KCNIP1: variants seen among roughly 807,000 people sequenced by gnomAD.
KCNIP1 encodes the protein A-type potassium channel modulatory protein KCNIP1.
Under a neutral mutation model 33.0 loss-of-function variants are expected in KCNIP1, and 18 were observed. That is an observed-to-expected ratio of 0.55 (90% CI 0.38 to 0.81). The LOEUF (loss-of-function observed/expected upper bound fraction) is 0.81. Ranked by LOEUF, KCNIP1 falls within the 30% of genes least tolerant of loss-of-function variation. The probability of loss-of-function intolerance (pLI) is 0.00; values close to 1 mark genes in which losing one functional copy is unlikely to be tolerated. For missense variants in KCNIP1, 238 were observed against 271.6 expected, an observed-to-expected ratio of 0.88 and a Z score of 0.87; for synonymous variants, 93 against 98.3, an observed-to-expected ratio of 0.95 and a Z score of 0.32.
intron 1 of KCNIP1, among the ~76,000 whole-genome samples, chr5:170,374,281 C>G (rs1763928695): frequency 6.6e-6 from 1 of 152,126 alleles, no homozygotes; most frequent in Non-Finnish European, 1.5e-5. Flanking sequence ...AAGGAAGCCC[C>G]TCACAATGAT....
intron 1 of KCNIP1, among the ~76,000 whole-genome samples, chr5:170,434,315 T>C (rs1460274996): frequency 6.6e-6 from 1 of 152,222 alleles, no homozygotes; most frequent in Non-Finnish European, 1.5e-5. Context: ...CATATATATA[T>C]ACACACACAT....
At chr5:170,614,938 G>T (rs1001038798) in intron 1 of KCNIP1, among the ~76,000 whole-genome samples, 4 of 152,200 alleles carry the variant, frequency 2.6e-5, no homozygotes, top group African/African-American at 9.7e-5. Flanking sequence ...AACATGGGCC[G>T]GGTGCAGTGA....
intron 1 of KCNIP1, among the ~76,000 whole-genome samples, chr5:170,698,921 A>G (rs1232043852): frequency 6.6e-6 from 1 of 152,022 alleles, no homozygotes; most frequent in Non-Finnish European, 1.5e-5. Context: ...CTACATGAAG[A>G]TCTCCAAGCC....
At chr5:170,730,501 TGA>T (rs1487279833) in intron 5 of KCNIP1, among the ~76,000 whole-genome samples, 1 of 152,184 alleles carries the variant, frequency 6.6e-6, no homozygotes, top group Non-Finnish European at 1.5e-5. Context: ...ATGAAAATCC[TGA>T]GAGAGCAACA....
chr5:170,495,844 G>A (rs886499724), intron 1 of KCNIP1, among the ~76,000 whole-genome samples: 7 of 152,212 alleles, frequency 4.6e-5, no homozygotes, highest in Admixed American at 3.9e-4. Flanking sequence ...CTGTCCCAGA[G>A]TCAGTCCTCA....
At chr5:170,732,275 G>A (rs930568062) in intron 5 of KCNIP1, among the ~76,000 whole-genome samples, 7 of 152,090 alleles carry the variant, frequency 4.6e-5, no homozygotes, top group South Asian at 2.1e-4. Context: ...TCTCAGGACC[G>A]AGTCCTAAGG....
At chr5:170,421,152 G>GAA (rs1408333904) in intron 1 of KCNIP1, among the ~76,000 whole-genome samples, 1 of 152,196 alleles carries the variant, frequency 6.6e-6, no homozygotes, top group African/African-American at 2.4e-5. Flanking sequence ...TGTCCCCAGA[G>GAA]AAGATGTACA....
At chr5:170,626,661 G>A (rs753165862) in intron 1 of KCNIP1, among the ~76,000 whole-genome samples, 144 of 152,342 alleles carry the variant, frequency 9.5e-4, no homozygotes, top group Middle Eastern at 3.4e-3. Flanking sequence ...TGGCCCCCAG[G>A]TCTCATTGCC....
intron 1 of KCNIP1, among the ~76,000 whole-genome samples, chr5:170,573,853 A>G (rs1378192370): frequency 6.6e-6 from 1 of 152,196 alleles, no homozygotes; most frequent in East Asian, 1.9e-4. Context: ...GCCAAGACAG[A>G]AAGTTGGACA....
intron 1 of KCNIP1, among the ~76,000 whole-genome samples, chr5:170,644,806 T>G (rs1376470648): frequency 1.3e-5 from 2 of 152,242 alleles, no homozygotes; most frequent in Non-Finnish European, 2.9e-5. Context: ...ACAGTGATTA[T>G]GGTGAAGCAG....
intron 1 of KCNIP1, among the ~76,000 whole-genome samples, chr5:170,470,038 G>A (rs1022136002): frequency 6.6e-6 from 1 of 152,114 alleles, no homozygotes; most frequent in African/African-American, 2.4e-5. Context: ...GCAGATAGTG[G>A]AATTGATATC....
chr5:170,572,959 T>G (rs1167335892), intron 1 of KCNIP1, among the ~76,000 whole-genome samples: 1 of 152,186 alleles, frequency 6.6e-6, no homozygotes, highest in Non-Finnish European at 1.5e-5. Context: ...TAACACCCAC[T>G]GTTATATTTG....
chr5:170,395,012 G>A (rs985153640), intron 1 of KCNIP1, among the ~76,000 whole-genome samples: 8 of 152,320 alleles, frequency 5.3e-5, no homozygotes, highest in Middle Eastern at 3.4e-3. Flanking sequence ...TGGGCACCAA[G>A]GTTGTTTCCA....
intron 1 of KCNIP1, among the ~76,000 whole-genome samples, chr5:170,367,349 A>AAAGAAAG (rs1763692337): frequency 1.3e-5 from 1 of 76,890 alleles, no homozygotes; most frequent in Non-Finnish European, 2.5e-5. Flanking sequence ...GAAGGAAAGA[A>AAAGAAAG]AAAGAAAGAA....
chr5:170,668,550 A>C (rs985184451), intron 1 of KCNIP1, among the ~76,000 whole-genome samples: 1 of 152,162 alleles, frequency 6.6e-6, no homozygotes, highest in Non-Finnish European at 1.5e-5. Flanking sequence ...TCTTGCGTTT[A>C]CTTTTCCTTC....
chr5:170,681,421 C>T (rs1168786582), intron 1 of KCNIP1: 1 of 322,892 alleles, frequency 3.1e-6, no homozygotes, highest in African/African-American at 2.1e-5. Flanking sequence ...GGGTCTCCTG[C>T]TCCGGCCCTA....
intron 1 of KCNIP1, among the ~76,000 whole-genome samples, chr5:170,615,446 TA>T: frequency 6.6e-6 from 1 of 152,254 alleles, no homozygotes; most frequent in South Asian, 2.1e-4. Context: ...CAGTTCCCAA[TA>T]AAATACTTAA....
Position 170,461,725 on chromosome 5 carries a change from G to A in KCNIP1, c.88+107761G>A, listed in dbSNP as rs1462964789. Reference sequence around the variant, plus strand: ...AGATAGAGCCACTGCACTCCAGCCCGGGCGACAAAACGAGACTCCATCTCA... The same window carrying A: ...AGATAGAGCCACTGCACTCCAGCCCAGGCGACAAAACGAGACTCCATCTCA... On this transcript the variant is annotated intron_variant, in intron 1 of 7. Coordinates refer to the KCNIP1 transcript ENST00000377360. 7.5e-5 allele frequency among the ~76,000 whole-genome samples: 11 copies of A among 145,878 alleles called. No individual in the cohort carries two copies. The South Asian group carries it at 1.1e-3, about 15-fold the overall frequency.
chr5:170,503,985 C>CCGCCCCCTCCGCCGCCCCCT, upstream of KCNIP1: 1 of 938,020 alleles, frequency 1.1e-6, no homozygotes, highest in African/African-American at 1.8e-5. Flanking sequence ...TAGTTGCCCG[C>CCGCCCCCTCCGCCGCCCCCT]CCGCCGCCCC....
Sources: allele counts gnomAD v4.1 joint callset (sites outside exome capture counted in the v4.1 genomes callset), GRCh38; gene constraint gnomAD v4.1.1; transcripts MANE v1.5; gene names NCBI Gene and HGNC (gene_info 2026-07-23, HGNC 2026-07-21).